Variants in HTR1F observed in about 807,000 individuals in gnomAD.
HTR1F encodes 5-hydroxytryptamine (serotonin) receptor 1F, G protein-coupled.
In HTR1F, 17 loss-of-function variants were observed where a neutral mutation model predicts 24.0. The observed-to-expected ratio is 0.71, with a 90% CI of 0.48 to 1.06. The LOEUF is 1.06. Ranked by LOEUF, HTR1F falls within the 50% of genes least tolerant of loss-of-function variation. The pLI, the probability that HTR1F is intolerant of heterozygous loss-of-function variation, is 0.00. For missense variants in HTR1F, 391 were observed against 427.8 expected (o/e 0.91, Z 0.76); for synonymous variants, 186 against 156.8 (o/e 1.19, Z -1.39).
chr3:87,953,721 G>T (rs1704884302), intron 2 of HTR1F, among the ~76,000 whole-genome samples: 1 of 151,592 alleles, frequency 6.6e-6, no homozygotes, highest in Non-Finnish European at 1.5e-5. Flanking sequence ...TATATCAAAA[G>T]GATACCTGCA....
chr3:87,982,012 A>C (rs547054905), intron 2 of HTR1F, among the ~76,000 whole-genome samples: 1 of 151,836 alleles, frequency 6.6e-6, no homozygotes, highest in East Asian at 1.9e-4. Context: ...GCTCACTGCA[A>C]CTCCACCTCA....
intron 1 of HTR1F, among the ~76,000 whole-genome samples, chr3:87,814,752 C>A (rs1464501753): frequency 1.3e-5 from 2 of 152,098 alleles, no homozygotes; most frequent in Admixed American, 6.6e-5. Flanking sequence ...AGCTTCTATA[C>A]TACTTGTTTC....
At chr3:87,956,598 A>G (rs1489358986) in intron 2 of HTR1F, among the ~76,000 whole-genome samples, 1 of 151,376 alleles carries the variant, frequency 6.6e-6, no homozygotes, top group Non-Finnish European at 1.5e-5. Context: ...TTAACATTTT[A>G]ATTATACTGA....
chr3:87,808,823 G>T (rs1704114904), intron 1 of HTR1F, among the ~76,000 whole-genome samples: 1 of 151,720 alleles, frequency 6.6e-6, no homozygotes, highest in Non-Finnish European at 1.5e-5. Flanking sequence ...ATTTTTGTTT[G>T]TTTCTAGAAT....
intron 2 of HTR1F, among the ~76,000 whole-genome samples, chr3:87,911,027 A>G (rs944142832): frequency 1.3e-5 from 2 of 152,054 alleles, no homozygotes; most frequent in African/African-American, 4.8e-5. Flanking sequence ...AGTGAGAATA[A>G]TCTCAAATTA....
At chr3:87,917,401 A>G (rs1418006278) in intron 2 of HTR1F, among the ~76,000 whole-genome samples, 2 of 150,620 alleles carry the variant, frequency 1.3e-5, no homozygotes, top group Admixed American at 6.6e-5. Context: ...AAAAAAAAAT[A>G]CAAAAGTTAA....
At chr3:87,980,316 A>G (rs1378255386) in intron 2 of HTR1F, among the ~76,000 whole-genome samples, 1 of 152,050 alleles carries the variant, frequency 6.6e-6, no homozygotes, top group Non-Finnish European at 1.5e-5. Flanking sequence ...GGTAGCTTCT[A>G]CCTGTAGTCA....
chr3:87,922,419 CT>C (rs1704030429), intron 2 of HTR1F, among the ~76,000 whole-genome samples: 1 of 151,680 alleles, frequency 6.6e-6, no homozygotes, highest in Admixed American at 6.6e-5. Flanking sequence ...TATTAAGCCC[CT>C]GTCAGATGAA....
At chr3:87,799,326 T>C (rs1703957552) in intron 1 of HTR1F, among the ~76,000 whole-genome samples, 1 of 152,218 alleles carries the variant, frequency 6.6e-6, no homozygotes, top group African/African-American at 2.4e-5. Context: ...TTTTTTTTCA[T>C]ACCTGCATAC....
intron 2 of HTR1F, among the ~76,000 whole-genome samples, chr3:87,943,606 G>A (rs562295314): frequency 1.3e-5 from 2 of 152,272 alleles, no homozygotes; most frequent in Admixed American, 1.3e-4. Flanking sequence ...GGGGTAGGGA[G>A]GTAGACTCTG....
intron 1 of HTR1F, among the ~76,000 whole-genome samples, chr3:87,819,860 A>G (rs1304457776): frequency 6.6e-6 from 1 of 152,100 alleles, no homozygotes; most frequent in Non-Finnish European, 1.5e-5. Flanking sequence ...ATTACTGTTG[A>G]CAAACTACAA....
chr3:87,988,293 C>G (rs925328178), intron 2 of HTR1F, among the ~76,000 whole-genome samples: 4 of 149,084 alleles, frequency 2.7e-5, no homozygotes, highest in Admixed American at 6.8e-5. Flanking sequence ...CCCTTTATAA[C>G]TGGCTAAATG....
At chr3:87,920,453 AAATTT>A (rs1334568619) in intron 2 of HTR1F, among the ~76,000 whole-genome samples, 1 of 152,002 alleles carries the variant, frequency 6.6e-6, no homozygotes, top group African/African-American at 2.4e-5. Context: ...ACCCTGGAGA[AAATTT>A]AAGAAAAATA....
At chr3:87,862,445 T>C (rs1312214769) in intron 2 of HTR1F, among the ~76,000 whole-genome samples, 3 of 152,222 alleles carry the variant, frequency 2.0e-5, no homozygotes, top group African/African-American at 7.2e-5. Context: ...CTGAGTAGTT[T>C]TACCATCTTG....
chr3:87,922,925 C>T (rs559847301), intron 2 of HTR1F, among the ~76,000 whole-genome samples: 7 of 139,440 alleles, frequency 5.0e-5, no homozygotes, highest in African/African-American at 1.6e-4. Flanking sequence ...AAGTCTTCAA[C>T]CCATTTCGAG....
intron 2 of HTR1F, among the ~76,000 whole-genome samples, chr3:87,825,533 A>G (rs1333215967): frequency 6.6e-6 from 1 of 152,080 alleles, no homozygotes; most frequent in Non-Finnish European, 1.5e-5. Context: ...TCATTCCTTA[A>G]TGCCTGGCTC....
intron 2 of HTR1F, among the ~76,000 whole-genome samples, chr3:87,842,262 A>T (rs1319348513): frequency 6.6e-6 from 1 of 151,618 alleles, no homozygotes; most frequent in Non-Finnish European, 1.5e-5. Flanking sequence ...CCCGGGTTTA[A>T]GCAATTCTCT....
intron 2 of HTR1F, among the ~76,000 whole-genome samples, chr3:87,890,043 T>G (rs1339862597): frequency 6.6e-6 from 1 of 152,240 alleles, no homozygotes; most frequent in African/African-American, 2.4e-5. Flanking sequence ...CCCTGTGTTG[T>G]GTACTTGTGT....
intron 2 of HTR1F, among the ~76,000 whole-genome samples, chr3:87,983,448 C>G (rs1234219071): frequency 1.3e-5 from 2 of 152,152 alleles, no homozygotes; most frequent in Non-Finnish European, 2.9e-5. Flanking sequence ...TGGAATCACT[C>G]CCTAAATTCA....
Sources: gnomAD v4.1 joint callset for allele counts (sites outside exome capture counted in the v4.1 genomes callset) on GRCh38, gnomAD v4.1.1 for gene constraint, MANE v1.5 for transcripts, NCBI Gene and HGNC (gene_info 2026-07-23, HGNC 2026-07-21) for gene names.